GOPC: variants seen among roughly 807,000 people sequenced by gnomAD.
GOPC encodes the protein golgi associated PDZ and coiled-coil motif containing, also known as Golgi-associated PDZ and coiled-coil motif-containing protein.
A neutral mutation model predicts 51.2 loss-of-function variants in GOPC; 32 were observed. That is an observed-to-expected ratio of 0.63 (90% CI 0.47 to 0.84). The LOEUF is 0.84. GOPC is among the 40% of genes least tolerant of loss of function. The pLI is 0.00. For synonymous variants in GOPC, 190 were observed against 205.1 expected, an observed-to-expected ratio of 0.93 and a Z score of 0.63; for missense variants, 441 against 555.5, an observed-to-expected ratio of 0.79 and a Z score of 2.07.
chr6:117,575,275 T>C lies in GOPC; in HGVS notation c.552A>G (p.Lys184=). ...QLEAEVKLLR[K]ENEALRRHIA... ...TATGTCTACGAAGGGCTTCATTCTCTTTTCTCAACAATTTCACTTCAGCTT... is the reference window on the plus strand; with the variant it reads ...TATGTCTACGAAGGGCTTCATTCTCCTTTCTCAACAATTTCACTTCAGCTT... Residue 184 remains lysine (K), a synonymous_variant, in exon 4 of 9, where the codon AAA becomes AAG. Transcript: ENST00000368498. 6.2e-7 allele frequency: 1 copy of C among 1,613,826 alleles called. No homozygotes were observed. The highest frequency in any genetic ancestry group is 8.5e-7 in the Non-Finnish European group (1 of 1,179,836).
intron 4 of GOPC, 39 bp downstream of exon 4, chr6:117,575,138 T>C: frequency 7.0e-7 from 1 of 1,435,884 alleles, no homozygotes; most frequent in Non-Finnish European, 9.5e-7. Context: ...ATATCCAATT[T>C]GTCACTTAAG....
chr6:117,602,292 GC>G lies in GOPC; in HGVS notation c.-5del. On this transcript the variant is annotated 5_prime_UTR_variant, in exon 1 of 9. Coordinates refer to ENST00000368498, the MANE Select transcript of GOPC (RefSeq NM_020399.4). ...GGCATGGACCGCCCGCCGACATGGC[GC>G]CGTCAAGGGCCTCTCCCGACTGCTG... The G allele has an allele frequency of 5.1e-6, 8 of 1,582,178 alleles. No individual in the cohort carries two copies. The highest frequency in any genetic ancestry group is 6.8e-6 in the Non-Finnish European group (8 of 1,171,822).
Position 117,569,607 on chromosome 6 carries a change from T to C in GOPC, c.1042A>G (p.Lys348Glu). 2 of 1,613,258 alleles carry C rather than the reference T, an allele frequency of 1.2e-6. No homozygotes were observed. The highest frequency in any genetic ancestry group is 1.7e-6 in the Non-Finnish European group (2 of 1,179,708). ...AVNGVNLRDTKHKEAVTILSQ... is the reference protein window; with the variant it reads ...AVNGVNLRDTEHKEAVTILSQ... Reference sequence around the variant, plus strand: ...AGAATAGTTACAGCTTCTTTATGCTTTGTGTCCCTTAGGTTAACTCCGTTG... The same window carrying C: ...AGAATAGTTACAGCTTCTTTATGCTCTGTGTCCCTTAGGTTAACTCCGTTG... Residue 348 changes from lysine to glutamate, a missense_variant, in exon 7 of 9, where the codon AAG (lysine) becomes GAG (glutamate). Coordinates refer to ENST00000368498, the MANE Select transcript of GOPC (RefSeq NM_020399.4).
Position 117,570,975 on chromosome 6 carries a change from A to T in GOPC, c.817-20T>A. 7.8e-7 allele frequency: 1 copy of T among 1,279,140 alleles called. No homozygotes were observed. 79.2% of individuals were successfully genotyped at this position (1,279,140 alleles called of 1,614,324 possible). A position where few individuals can be genotyped will look rare whatever the true frequency, so the allele number is the denominator to read the frequency against. Reference sequence around the variant, plus strand: ...TTGATCCTTATTGGGAGGAAAAAAGAAGAAAAAGTAGTATCATTTAAATAG... The same window carrying T: ...TTGATCCTTATTGGGAGGAAAAAAGTAGAAAAAGTAGTATCATTTAAATAG... On this transcript the variant is annotated intron_variant, in intron 5 of 8. Coordinates refer to ENST00000368498, the MANE Select transcript of GOPC (RefSeq NM_020399.4).
intron 1 of GOPC, among the ~76,000 whole-genome samples, chr6:117,588,477 T>C (rs11754460): frequency 1.3e-5 from 2 of 152,030 alleles, no homozygotes; most frequent in Admixed American, 1.3e-4. Context: ...GGTTTCACCA[T>C]GTTGGCCAGA....
intron 1 of GOPC, among the ~76,000 whole-genome samples, chr6:117,585,863 A>G (rs1780024755): frequency 6.6e-6 from 1 of 152,208 alleles, no homozygotes; most frequent in African/African-American, 2.4e-5. Context: ...GCAGGTACAG[A>G]TATGCAAGCA....
chr6:117,590,251 A>G (rs1010187405), intron 1 of GOPC, among the ~76,000 whole-genome samples: 2 of 152,228 alleles, frequency 1.3e-5, no homozygotes, highest in Non-Finnish European at 2.9e-5. Flanking sequence ...CATGGATTCT[A>G]GAAGTTTTCT....
intron 1 of GOPC, among the ~76,000 whole-genome samples, chr6:117,595,435 G>A (rs778960791): frequency 4.6e-5 from 7 of 152,070 alleles, no homozygotes; most frequent in African/African-American, 7.2e-5. Flanking sequence ...GAACAGGTGG[G>A]GTTTGGTTAT....
chr6:117,575,670 C>CT, intron 3 of GOPC: 3 of 416,838 alleles, frequency 7.2e-6, no homozygotes, highest in South Asian at 6.8e-5. Flanking sequence ...TTCTAAAACC[C>CT]TTTTGAGAGT....
At chr6:117,595,192 T>C (rs1169801947) in intron 1 of GOPC, among the ~76,000 whole-genome samples, 1 of 152,216 alleles carries the variant, frequency 6.6e-6, no homozygotes, top group Non-Finnish European at 1.5e-5. Flanking sequence ...ATTGTTGCAC[T>C]ATAAGGTATG....
intron 8 of GOPC, among the ~76,000 whole-genome samples, chr6:117,565,817 T>C (rs1442983369): frequency 6.6e-6 from 1 of 152,186 alleles, no homozygotes; most frequent in Non-Finnish European, 1.5e-5. Flanking sequence ...CGAAAATCCA[T>C]ACTTTGTTAG....
intron 8 of GOPC, among the ~76,000 whole-genome samples, chr6:117,563,870 C>T (rs2114598873): frequency 6.6e-6 from 1 of 152,020 alleles, no homozygotes; most frequent in African/African-American, 2.4e-5. Flanking sequence ...CAGGGGAATT[C>T]TTCCCTCTTA....
At position 117,562,568 on chromosome 6, in the gene GOPC, CA is replaced by C. The variant is rs909757358; in HGVS notation, c.*685del. On this transcript the variant is annotated 3_prime_UTR_variant, in exon 9 of 9. Coordinates refer to ENST00000368498, the MANE Select transcript of GOPC (RefSeq NM_020399.4). ...ACTCATCTGCATTTCTTTTAAAAAA[CA>C]AAAAAAGTAAAATGTTTAGTAACTT... The C allele has an allele frequency of 4.9e-6, 1 of 202,360 alleles. No homozygotes were observed. Among genetic ancestry groups the C allele is most frequent in the Non-Finnish European group, 1.0e-5 (1 of 98,506 alleles). 12.5% of individuals were successfully genotyped at this position (202,360 alleles called of 1,614,324 possible).
At chr6:117,597,441 G>GC (rs1162771694) in intron 1 of GOPC, among the ~76,000 whole-genome samples, 1 of 152,152 alleles carries the variant, frequency 6.6e-6, no homozygotes, top group African/African-American at 2.4e-5. Flanking sequence ...AAGTGGTGAA[G>GC]GGGGGCACAT....
In GOPC at chr6:117,584,243, C is replaced by T. The variant is rs575266429; in HGVS notation, c.286-5179G>A. Among the ~76,000 whole-genome samples, 3 of 152,304 alleles carry T rather than the reference C, an allele frequency of 2.0e-5. No homozygotes were observed. In the East Asian group the frequency reaches 5.8e-4, roughly 29 times the overall value. ...ACCAACAAACAAGCAATCAATTTTG[C>T]AGCAGACATCAGTTGGGTGTCCTCC... is the stretch of plus-strand genomic sequence containing the variant. On this transcript the variant is annotated intron_variant, in intron 1 of 8. Coordinates refer to ENST00000368498, the MANE Select transcript of GOPC (RefSeq NM_020399.4).
rs893228695 is a variant in GOPC at position 117,563,147 on chromosome 6, AG to A, written c.*106del. Reference sequence around the variant, plus strand: ...GCCCTGAGGTACCCGCCTTTCATTTAGGCAACAAACAGCCTCCCCTGATTTT... The same window carrying A: ...GCCCTGAGGTACCCGCCTTTCATTTAGCAACAAACAGCCTCCCCTGATTTT... On this transcript the variant is annotated 3_prime_UTR_variant, in exon 9 of 9. Coordinates refer to ENST00000368498, the MANE Select transcript of GOPC (RefSeq NM_020399.4). 76 of 1,001,248 alleles carry A rather than the reference AG, an allele frequency of 7.6e-5. No homozygotes were observed. The African/African-American group carries it at 1.1e-3, about 15-fold the overall frequency. 62.0% of individuals were successfully genotyped at this position (1,001,248 alleles called of 1,614,324 possible).
intron 3 of GOPC, among the ~76,000 whole-genome samples, chr6:117,575,691 C>T (rs1415269656): frequency 6.6e-6 from 1 of 152,096 alleles, no homozygotes; most frequent in Non-Finnish European, 1.5e-5. Flanking sequence ...TAAATAAGGA[C>T]CCCAATAGAC....
chr6:117,569,862 T>A, intron 6 of GOPC, 126 bp from the exon 7 acceptor site: 1 of 1,069,456 alleles, frequency 9.4e-7, no homozygotes, highest in South Asian at 2.5e-5. Context: ...CTATAAATGC[T>A]GGGTAAAATT....
chr6:117,592,571 A>G (rs553178153), intron 1 of GOPC, among the ~76,000 whole-genome samples: 4 of 152,166 alleles, frequency 2.6e-5, no homozygotes, highest in East Asian at 3.9e-4. Context: ...CTCTGCTTCT[A>G]TCATCACATA....
Sources: gnomAD v4.1 joint callset for allele counts (sites outside exome capture counted in the v4.1 genomes callset) on GRCh38, gnomAD v4.1.1 for gene constraint, MANE v1.5 for transcripts, NCBI Gene and HGNC (gene_info 2026-07-23, HGNC 2026-07-21) for gene names.